CSMD2: variants seen among roughly 807,000 people sequenced by gnomAD.
The protein encoded by CSMD2 is CUB and sushi domain-containing protein 2.
A neutral mutation model predicts 398.5 loss-of-function variants in CSMD2; 130 were observed. The ratio of observed to expected loss-of-function variants is 0.33; its 90% confidence interval spans 0.28 to 0.38. CSMD2 has a LOEUF of 0.38. Among genes scored for constraint, CSMD2 ranks in the 10% least tolerant of loss-of-function variants. The pLI, the probability that CSMD2 is intolerant of heterozygous loss-of-function variation, is 1.00. For synonymous variants in CSMD2, 1,828 were observed against 1,908.5 expected (o/e 0.96, Z 1.10); for missense variants, 3,829 against 4,764.9 (o/e 0.80, Z 5.78).
At chr1:34,148,675 T>C (rs1287656773) in intron 1 of CSMD2, among the ~76,000 whole-genome samples, 3 of 152,184 alleles carry the variant, frequency 2.0e-5, no homozygotes, top group Non-Finnish European at 2.9e-5. Flanking sequence ...TCTGCAAGCA[T>C]GGACCTTTAC....
At chr1:33,520,495 A>AG (rs1654167697) in intron 68 of CSMD2, among the ~76,000 whole-genome samples, 1 of 152,170 alleles carries the variant, frequency 6.6e-6, no homozygotes, top group African/African-American at 2.4e-5. Context: ...GGGCTCTGAG[A>AG]GGGGACAGGA....
chr1:33,726,713 C>G lies in CSMD2; in HGVS notation c.2369-28G>C, dbSNP rs372853861. ...GGGGGGACAGAAGGAAGAGAGGCAG[C>G]TTTCTTCAGGGACAAATGAGTAAAC... On this transcript the variant is annotated intron_variant, in intron 15 of 70. Transcript: ENST00000373381. The G allele has an allele frequency of 1.9e-6, 3 of 1,594,700 alleles. No individual in the cohort carries two copies. In the South Asian group the frequency reaches 3.4e-5, roughly 18 times the overall value.
intron 10 of CSMD2, among the ~76,000 whole-genome samples, chr1:33,802,323 T>C (rs1655698534): frequency 6.6e-6 from 1 of 152,154 alleles, no homozygotes; most frequent in Non-Finnish European, 1.5e-5. Flanking sequence ...TACTCCTAGT[T>C]TATTGAGTAC....
At chr1:33,906,089 C>T (rs529850479) in intron 5 of CSMD2, among the ~76,000 whole-genome samples, 31 of 152,332 alleles carry the variant, frequency 2.0e-4, no homozygotes, top group Non-Finnish European at 3.8e-4. Flanking sequence ...AGCCTGGGTA[C>T]CCACATGTGT....
intron 2 of CSMD2, among the ~76,000 whole-genome samples, chr1:34,040,190 CA>C (rs61528553): frequency 0.23 from 28,414 of 122,294 alleles, 2,941 homozygotes; most frequent in Middle Eastern, 0.32. Context: ...GATCCTGACT[CA>C]AAAAAAAAAT....
chr1:33,555,906 A>AAT lies in CSMD2; in HGVS notation c.8743+1826_8743+1827dup, dbSNP rs574968265. On this transcript the variant is annotated intron_variant, in intron 55 of 70. Coordinates refer to ENST00000373381, the MANE Select transcript of CSMD2 (RefSeq NM_001281956.2). ...TATCTCCAATGTATGCCTCTATATT[A>AAT]ATATATATACCTATTAGTAATATCA... Among the ~76,000 whole-genome samples, 486 of 152,204 alleles carry AAT rather than the reference A, an allele frequency of 3.2e-3. 6 individuals carry two copies. Among genetic ancestry groups the AAT allele is most frequent in the African/African-American group, 0.01 (432 of 41,510 alleles).
At chr1:34,070,822 C>T (rs930048051) in intron 2 of CSMD2, among the ~76,000 whole-genome samples, 3 of 151,886 alleles carry the variant, frequency 2.0e-5, no homozygotes, top group African/African-American at 7.3e-5. Flanking sequence ...CCTCTTATAA[C>T]TGAAATCCAG....
rs547580004 is a variant in CSMD2, at chr1:34,029,231, C to A, written c.517+3363G>T. ...CTGCTTGCCACCCAGCACAAATGTC[C>A]AAGGGGACTCTGCAATGGAGGAAGG... On this transcript the variant is annotated intron_variant, in intron 3 of 70. Transcript: ENST00000373381. Among the ~76,000 whole-genome samples the A allele has an allele frequency of 2.0e-5, 3 of 152,250 alleles. No homozygotes were observed. The East Asian group carries it at 5.8e-4, about 29-fold the overall frequency.
rs779095295 is a variant in CSMD2, at chr1:33,514,628, G to C, written c.*1996C>G. 6.6e-6 allele frequency: 1 copy of C among 152,112 alleles called. No individual in the cohort carries two copies. Among genetic ancestry groups the C allele is most frequent in the African/African-American group, 2.4e-5 (1 of 41,392 alleles). The allele number at this position is 152,112 out of a possible 1,614,324, so 9.4% of individuals were successfully genotyped here. A position where few individuals can be genotyped will look rare whatever the true frequency, so the allele number is the denominator to read the frequency against. ...GGTGGTCTGAGAGGGGCATAAGAAG[G>C]GGGAAGGGAGCAGTCGAAGGAGAGG... is the stretch of plus-strand genomic sequence containing the variant. On this transcript the variant is annotated 3_prime_UTR_variant, in exon 71 of 71. Coordinates refer to ENST00000373381, the MANE Select transcript of CSMD2 (RefSeq NM_001281956.2).
At chr1:33,984,887 G>GC (rs1362548660) in intron 3 of CSMD2, among the ~76,000 whole-genome samples, 1 of 150,832 alleles carries the variant, frequency 6.6e-6, no homozygotes, top group African/African-American at 2.5e-5. Context: ...AGGCAGGCAG[G>GC]AAGGAAGGAA....
intron 6 of CSMD2, among the ~76,000 whole-genome samples, chr1:33,842,791 A>C (rs6695397): frequency 0.029 from 4,377 of 152,286 alleles, 202 homozygotes; most frequent in African/African-American, 0.1. Flanking sequence ...CTGTTCAAAA[A>C]TGTAAAACCC....
Position 33,533,679 on chromosome 1 carries a change from T to C in CSMD2, c.9991+117A>G, listed in dbSNP as rs1655474853. On this transcript the variant is annotated intron_variant, in intron 63 of 70. Transcript: ENST00000373381. The surrounding 1 kb of genome is among the most constrained non-coding windows in gnomAD (Gnocchi z 4.2). ...AGTGTAAGGACTACAAAGAGACCGATGTCGGTTCGCATGGGGAGTTGTGAA... is the reference window on the plus strand; with the variant it reads ...AGTGTAAGGACTACAAAGAGACCGACGTCGGTTCGCATGGGGAGTTGTGAA... The C allele has an allele frequency of 1.3e-5, 9 of 678,268 alleles. No individual in the cohort carries two copies. The East Asian group carries it at 2.4e-4, about 18-fold the overall frequency. 42.0% of individuals were successfully genotyped at this position (678,268 alleles called of 1,614,324 possible). A position where few individuals can be genotyped will look rare whatever the true frequency, so the allele number is the denominator to read the frequency against.
At chr1:33,707,695 G>GCACACACACACACA (rs200504764) in intron 22 of CSMD2, among the ~76,000 whole-genome samples, 20 of 92,090 alleles carry the variant, frequency 2.2e-4, no homozygotes, top group South Asian at 6.3e-4. Flanking sequence ...GCGCGCGCGC[G>GCACACACACACACA]CACACACACA....
chr1:33,818,964 C>T (rs923422215), intron 9 of CSMD2, among the ~76,000 whole-genome samples: 2 of 152,194 alleles, frequency 1.3e-5, no homozygotes, highest in Non-Finnish European at 2.9e-5. Flanking sequence ...CATATCTTCT[C>T]CTCTAAAGGG....
chr1:33,616,885 G>A, intron 39 of CSMD2, 21 bp downstream of exon 39: 1 of 1,604,816 alleles, frequency 6.2e-7, no homozygotes, highest in Non-Finnish European at 8.5e-7. Context: ...GGAATGAATT[G>A]TAAAGTCTGG....
At chr1:33,890,052 AGAG>A (rs1475101511) in intron 5 of CSMD2, among the ~76,000 whole-genome samples, 1 of 150,936 alleles carries the variant, frequency 6.6e-6, no homozygotes, top group Admixed American at 6.6e-5. Flanking sequence ...TATAAAAAAA[AGAG>A]AAAGAAATGA....
In CSMD2 at chr1:33,635,172, G is replaced by C; in HGVS notation, c.5086+42C>G. 1 of 1,224,288 alleles carries C rather than the reference G, an allele frequency of 8.2e-7. No individual in the cohort carries two copies. Among genetic ancestry groups the C allele is most frequent in the Non-Finnish European group, 1.2e-6 (1 of 832,518 alleles). The allele number at this position is 1,224,288 out of a possible 1,614,324, so 75.8% of individuals were successfully genotyped here. On this transcript the variant is annotated intron_variant, in intron 31 of 70. Coordinates refer to ENST00000373381, the MANE Select transcript of CSMD2 (RefSeq NM_001281956.2). This position sits in a 1 kb window ranked among gnomAD's most constrained non-coding sequence, Gnocchi z 5.0. ...ATTGCTCATTTTGGAATGAGGGTGA[G>C]GAGTCAGAAAACATATGAACAACAA...
intron 3 of CSMD2, among the ~76,000 whole-genome samples, chr1:34,017,941 A>C (rs1648356013): frequency 6.6e-6 from 1 of 152,118 alleles, no homozygotes. Context: ...GACTTCACTG[A>C]TGTTGGTTTG....
chr1:34,077,165 G>A (rs1656480266), intron 2 of CSMD2, among the ~76,000 whole-genome samples: 1 of 151,762 alleles, frequency 6.6e-6, no homozygotes, highest in South Asian at 2.1e-4. Flanking sequence ...GAGAAGAGAA[G>A]AGAGATGCCT....
Sources: allele counts gnomAD v4.1 joint callset (sites outside exome capture counted in the v4.1 genomes callset), GRCh38; gene constraint gnomAD v4.1.1; non-coding constraint Gnocchi (gnomAD v3.1); transcripts MANE v1.5; gene names NCBI Gene and HGNC (gene_info 2026-07-23, HGNC 2026-07-21).